EXT1: variants seen among roughly 807,000 people sequenced by gnomAD.
The protein encoded by EXT1 is exostosin glycosyltransferase 1, also known as exostosin-1.
EXT1 carries 20 observed loss-of-function variants against 82.5 expected under a neutral mutation model. The observed-to-expected ratio is 0.24, with a 90% confidence interval of 0.17 to 0.35. EXT1 has a LOEUF of 0.35. EXT1 is among the 10% of genes least tolerant of loss of function. The pLI is 1.00. For missense variants in EXT1, 757 were observed against 936.5 expected, an observed-to-expected ratio of 0.81 and a Z score of 2.50; for synonymous variants, 348 against 350.8, an observed-to-expected ratio of 0.99 and a Z score of 0.09.
chr8:118,058,752 GATATGAT>G (rs1371973222), intron 1 of EXT1, among the ~76,000 whole-genome samples: 2 of 152,236 alleles, frequency 1.3e-5, no homozygotes, highest in East Asian at 3.9e-4. Flanking sequence ...CATATGGATG[GATATGAT>G]AGGTATAGAT....
intron 1 of EXT1, among the ~76,000 whole-genome samples, chr8:117,878,935 G>A (rs888846689): frequency 2.0e-5 from 3 of 152,180 alleles, no homozygotes; most frequent in Non-Finnish European, 2.9e-5. Flanking sequence ...TGAGACCCAC[G>A]CTGTAGAGCA....
chr8:118,082,224 A>G (rs1423204897), intron 1 of EXT1, among the ~76,000 whole-genome samples: 1 of 152,214 alleles, frequency 6.6e-6, no homozygotes, highest in Non-Finnish European at 1.5e-5. Context: ...AAATGCATTA[A>G]AAATAGCTGA....
chr8:117,799,658 A>G lies in EXT1; in HGVS notation c.*54T>C. 6.3e-7 allele frequency: 1 copy of G among 1,592,030 alleles called. No individual in the cohort carries two copies. Among genetic ancestry groups the G allele is most frequent in the Non-Finnish European group, 8.6e-7 (1 of 1,160,392 alleles). Reference sequence around the variant, plus strand: ...GAGTGGATCTGCACTGGGAAGAGAGAGCAGCTTGACCCCCATCCCTTCTTG... The same window carrying G: ...GAGTGGATCTGCACTGGGAAGAGAGGGCAGCTTGACCCCCATCCCTTCTTG... On this transcript the variant is annotated 3_prime_UTR_variant, in exon 11 of 11. Transcript: ENST00000378204.
At chr8:117,924,771 C>A (rs1226056483) in intron 1 of EXT1, among the ~76,000 whole-genome samples, 1 of 152,138 alleles carries the variant, frequency 6.6e-6, no homozygotes, top group African/African-American at 2.4e-5. Context: ...GGCAAACGAG[C>A]ATCACTTTAT....
At position 118,024,910 on chromosome 8, in the gene EXT1, G is replaced by A. The variant is rs998200219; in HGVS notation, c.962+85175C>T. ...AAATATTGATGTGTTTTAAACACTA[G>A]AGTGAAAGTTCAGAATTATGATTTC... On this transcript the variant is annotated intron_variant, in intron 1 of 10. Transcript: ENST00000378204. Among the ~76,000 whole-genome samples the A allele has an allele frequency of 2.0e-5, 3 of 152,342 alleles. No individual in the cohort carries two copies. The South Asian group carries it at 6.2e-4, about 32-fold the overall frequency.
At chr8:118,044,351 G>A (rs1173432056) in intron 1 of EXT1, among the ~76,000 whole-genome samples, 2 of 151,930 alleles carry the variant, frequency 1.3e-5, no homozygotes, top group African/African-American at 4.8e-5. Flanking sequence ...TGAACCAAGG[G>A]TCAGAAAACC....
intron 5 of EXT1, among the ~76,000 whole-genome samples, chr8:117,821,299 GA>G (rs1407651523): frequency 6.6e-6 from 1 of 152,134 alleles, no homozygotes; most frequent in Non-Finnish European, 1.5e-5. Flanking sequence ...AAGTTTTGCC[GA>G]GTAAGAAGAA....
intron 1 of EXT1, among the ~76,000 whole-genome samples, chr8:118,027,767 G>C (rs1323840489): frequency 3.9e-5 from 6 of 152,170 alleles, no homozygotes; most frequent in Non-Finnish European, 8.8e-5. Flanking sequence ...ATGAGCACTA[G>C]AATTCCCACC....
rs181419401 is a variant in EXT1 at position 117,910,039 on chromosome 8, A to G, written c.963-72838T>C. Among the ~76,000 whole-genome samples, 52 of 152,286 alleles carry G rather than the reference A, an allele frequency of 3.4e-4. 1 individual carries two copies. The highest frequency in any genetic ancestry group is 1.1e-3 in the African/African-American group (47 of 41,564). On this transcript the variant is annotated intron_variant, in intron 1 of 10. Transcript: ENST00000378204. The stretch of plus-strand genomic sequence containing the variant: ...CGTGCCGGCCTCCCAAAGCGTTGGG[A>G]TTACAGGCATAAGCCACCGCACCAG...
At chr8:117,923,558 A>AT (rs1381597805) in intron 1 of EXT1, among the ~76,000 whole-genome samples, 1 of 150,876 alleles carries the variant, frequency 6.6e-6, no homozygotes, top group Non-Finnish European at 1.5e-5. Context: ...TCTACTAAAA[A>AT]AAAAAAAAAT....
chr8:117,856,955 C>A (rs549822172), intron 1 of EXT1, among the ~76,000 whole-genome samples: 1 of 152,202 alleles, frequency 6.6e-6, no homozygotes, highest in South Asian at 2.1e-4. Context: ...CTCCAAAAAT[C>A]CTAGGACCCT....
chr8:117,848,720 T>C (rs547661868), intron 1 of EXT1, among the ~76,000 whole-genome samples: 1 of 152,166 alleles, frequency 6.6e-6, no homozygotes, highest in Non-Finnish European at 1.5e-5. Context: ...CCTCACACCC[T>C]TCTTCCTATA....
chr8:118,087,930 G>A (rs560361339), intron 1 of EXT1, among the ~76,000 whole-genome samples: 9 of 111,492 alleles, frequency 8.1e-5, no homozygotes, highest in East Asian at 2.6e-4. Flanking sequence ...TGTTTTATTC[G>A]TTTCAGGGCA....
chr8:117,800,259 T>C (rs540934179), intron 10 of EXT1, among the ~76,000 whole-genome samples: 124 of 152,340 alleles, frequency 8.1e-4, no homozygotes, highest in Non-Finnish European at 1.6e-3. Flanking sequence ...AGATTAAAGA[T>C]GTGTTTCTGC....
intron 1 of EXT1, among the ~76,000 whole-genome samples, chr8:117,870,564 T>C (rs1369276220): frequency 6.6e-6 from 1 of 152,212 alleles, no homozygotes; most frequent in African/African-American, 2.4e-5. Context: ...CAGTCTGTAC[T>C]ATTTACCCTA....
chr8:117,860,146 CAAAAAAA>C (rs34399339), intron 1 of EXT1, among the ~76,000 whole-genome samples: 51 of 76,906 alleles, frequency 6.6e-4, no homozygotes, highest in East Asian at 2.8e-3. Context: ...GATTCTATCT[CAAAAAAA>C]AAAAAAAAAA....
chr8:117,802,403 T>C (rs11787408), intron 10 of EXT1, among the ~76,000 whole-genome samples: 6 of 152,228 alleles, frequency 3.9e-5, no homozygotes, highest in Admixed American at 6.5e-5. Flanking sequence ...TTGGATCACA[T>C]AGATGACTAT....
chr8:117,971,781 C>T (rs1205357782), intron 1 of EXT1, among the ~76,000 whole-genome samples: 1 of 152,114 alleles, frequency 6.6e-6, no homozygotes, highest in East Asian at 1.9e-4. Flanking sequence ...AAATGGTATC[C>T]CCTTTCTTGA....
At chr8:117,933,179 T>C (rs1050055368) in intron 1 of EXT1, among the ~76,000 whole-genome samples, 2 of 152,134 alleles carry the variant, frequency 1.3e-5, no homozygotes, top group Non-Finnish European at 2.9e-5. Flanking sequence ...CTAGCATTCA[T>C]GGAACTATCT....
Sources: allele counts gnomAD v4.1 joint callset (sites outside exome capture counted in the v4.1 genomes callset), GRCh38; gene constraint gnomAD v4.1.1; transcripts MANE v1.5; gene names NCBI Gene and HGNC (gene_info 2026-07-23, HGNC 2026-07-21).